Variants in TRDMT1 observed in about 807,000 individuals in gnomAD.
TRDMT1 encodes the protein tRNA aspartic acid methyltransferase 1.
TRDMT1 carries 49 observed loss-of-function variants against 51.2 expected under a neutral mutation model. The ratio of observed to expected loss-of-function variants is 0.96; its 90% confidence interval spans 0.76 to 1.21. TRDMT1 has a LOEUF of 1.21. TRDMT1 is among the 50% of genes most tolerant of loss of function. The probability of loss-of-function intolerance (pLI) is 0.00; values close to 1 mark genes in which losing one functional copy is unlikely to be tolerated. For missense variants in TRDMT1, 534 were observed against 462.3 expected (o/e 1.16, Z -1.42); for synonymous variants, 187 against 164.6 (o/e 1.14, Z -1.04).
rs190073551 is a variant in TRDMT1 at position 17,146,996 on chromosome 10, T to C, written c.*2044A>G. The C allele has an allele frequency of 1.0e-6, 1 of 985,454 alleles. No individual in the cohort carries two copies. The highest frequency in any genetic ancestry group is 1.7e-5 in the African/African-American group (1 of 57,250). 61.0% of individuals were successfully genotyped at this position (985,454 alleles called of 1,614,324 possible). On this transcript the variant is annotated 3_prime_UTR_variant, in exon 11 of 11. Transcript: ENST00000377799. Reference sequence around the variant, plus strand: ...CCATAATTTAAGAATTCCACTAAGCTACATTCTGTCTACCAGTTTGTAAGC... The same window carrying C: ...CCATAATTTAAGAATTCCACTAAGCCACATTCTGTCTACCAGTTTGTAAGC...
rs1277559816 is a variant in TRDMT1, at chr10:17,141,679, T to C, written c.*7361A>G. Among the ~76,000 whole-genome samples, 1 of 152,208 alleles carries C rather than the reference T, an allele frequency of 6.6e-6. No individual in the cohort carries two copies. The highest frequency in any genetic ancestry group is 1.5e-5 in the Non-Finnish European group (1 of 68,048). On this transcript the variant is annotated 3_prime_UTR_variant, in exon 11 of 11. Coordinates refer to ENST00000377799, the MANE Select transcript of TRDMT1 (RefSeq NM_004412.7). The stretch of plus-strand genomic sequence containing the variant: ...TCAGGTAAATTCTACTGATCCGTCC[T>C]TAGGTTCACTGATTTCTATCTTCTG...
intron 2 of TRDMT1, among the ~76,000 whole-genome samples, chr10:17,170,881 A>G (rs1021923695): frequency 1.3e-5 from 2 of 152,154 alleles, no homozygotes; most frequent in African/African-American, 4.8e-5. Flanking sequence ...TTATTAAAGC[A>G]CTAATTGTTC....
At chr10:17,152,203 G>T in intron 10 of TRDMT1, 2 of 711,582 alleles carry the variant, frequency 2.8e-6, no homozygotes, top group South Asian at 2.0e-5. Context: ...GCTGTCACTC[G>T]TTTTGTGACA....
At chr10:17,152,409 C>A (rs888415859) in intron 10 of TRDMT1, among the ~76,000 whole-genome samples, 1 of 152,068 alleles carries the variant, frequency 6.6e-6, no homozygotes, top group African/African-American at 2.4e-5. Flanking sequence ...TGGTTGTGTT[C>A]CAAAACCTCA....
At chr10:17,169,426 A>T (rs1332971279) in intron 2 of TRDMT1, 5 of 1,288,618 alleles carry the variant, frequency 3.9e-6, no homozygotes, top group Non-Finnish European at 5.1e-6. Context: ...AGATATCCAC[A>T]ATTATTTTGT....
At chr10:17,161,034 G>A (rs1840276349) in intron 5 of TRDMT1, among the ~76,000 whole-genome samples, 2 of 152,160 alleles carry the variant, frequency 1.3e-5, no homozygotes, top group Non-Finnish European at 2.9e-5. Context: ...GTTACAGACA[G>A]CAGCTGACTC....
intron 1 of TRDMT1, among the ~76,000 whole-genome samples, chr10:17,176,390 A>G (rs1022937756): frequency 6.6e-6 from 1 of 152,188 alleles, no homozygotes; most frequent in African/African-American, 2.4e-5. Flanking sequence ...TGTAATCAAT[A>G]ATTAATTTTA....
intron 6 of TRDMT1, 136 bp from the exon 7 acceptor site, chr10:17,159,365 C>T (rs1387498500): frequency 1.6e-5 from 9 of 546,494 alleles, no homozygotes; most frequent in Admixed American, 1.1e-4. Flanking sequence ...AAATTTGCTA[C>T]GGATTTGTAG....
At chr10:17,155,103 C>T (rs1346955670) in intron 8 of TRDMT1, among the ~76,000 whole-genome samples, 1 of 151,852 alleles carries the variant, frequency 6.6e-6, no homozygotes, top group Non-Finnish European at 1.5e-5. Flanking sequence ...TGCGTGCCTA[C>T]CTCAGGAGGC....
chr10:17,186,461 G>C (rs1370732744), intron 1 of TRDMT1, among the ~76,000 whole-genome samples: 1 of 152,098 alleles, frequency 6.6e-6, no homozygotes, highest in East Asian at 1.9e-4. Context: ...CTACACTTCT[G>C]GCTTCAAAGA....
chr10:17,139,115 T>A lies in TRDMT1; in HGVS notation c.*9925A>T, dbSNP rs1408321099. 5 of 944,344 alleles carry A rather than the reference T, an allele frequency of 5.3e-6. No homozygotes were observed. The highest frequency in any genetic ancestry group is 6.3e-6 in the Non-Finnish European group (5 of 792,434). 58.5% of individuals were successfully genotyped at this position (944,344 alleles called of 1,614,324 possible). A position where few individuals can be genotyped will look rare whatever the true frequency, so the allele number is the denominator to read the frequency against. On this transcript the variant is annotated 3_prime_UTR_variant, in exon 11 of 11. Transcript: ENST00000377799. ...TGGGGACTTCAGCAGCTCCATTGGA[T>A]TAATCCAAGCTTGGTTTCCAAGGTG...
chr10:17,165,608 GC>G (rs1348383931), intron 3 of TRDMT1, among the ~76,000 whole-genome samples: 2 of 152,014 alleles, frequency 1.3e-5, no homozygotes, highest in East Asian at 3.9e-4. Context: ...GAAAATTTTT[GC>G]AATCTACTCA....
chr10:17,157,414 C>T (rs1291657203), intron 8 of TRDMT1, 27 bp downstream of exon 8: 1 of 1,511,886 alleles, frequency 6.6e-7, no homozygotes, highest in Non-Finnish European at 8.9e-7. Flanking sequence ...ATTTTGGATA[C>T]AGGATCAATA....
In TRDMT1 at chr10:17,157,533, C is replaced by T. The variant is rs1425962830; in HGVS notation, c.795G>A (p.Gln265=). The change falls in exon 8 of 11, where the codon CAG becomes CAA. Residue 265 remains glutamine, a synonymous_variant. Transcript: ENST00000377799. The part of the protein sequence containing the change: ...DFLEDDTDVN[Q]YLLPPKSLLR... ...GCAATGACTTTGGTGGTAAAAGATA[C>T]TGGTTCACGTCAGTGTCATCTTCAA... The T allele has an allele frequency of 5.0e-6, 8 of 1,614,044 alleles. 1 individual carries two copies. The African/African-American group carries it at 8.0e-5, about 16-fold the overall frequency.
Position 17,159,173 on chromosome 10 carries a change from C to T in TRDMT1, c.516G>A (p.Glu172=). The change falls in exon 7 of 11, where the codon GAG becomes GAA. Residue 172 remains glutamate (E), a synonymous_variant. Coordinates refer to ENST00000377799, the MANE Select transcript of TRDMT1 (RefSeq NM_004412.7). Reference sequence around the variant, plus strand: ...GACCAGGGGCTTGAAAGGGTAATGGCTCTGACTGAAGCTTTGCAATAAGAA... The same window carrying T: ...GACCAGGGGCTTGAAAGGGTAATGGTTCTGACTGAAGCTTTGCAATAAGAA... ...RYFLIAKLQS[E]PLPFQAPGQV... 1 of 1,603,516 alleles carries T rather than the reference C, an allele frequency of 6.2e-7. No homozygotes were observed. Among genetic ancestry groups the T allele is most frequent in the Non-Finnish European group, 8.5e-7 (1 of 1,174,536 alleles).
At chr10:17,186,328 TGAG>T in intron 1 of TRDMT1, among the ~76,000 whole-genome samples, 1 of 152,220 alleles carries the variant, frequency 6.6e-6, no homozygotes, top group South Asian at 2.1e-4. Flanking sequence ...AAACTTGAGA[TGAG>T]GAGATTATCC....
chr10:17,145,201 C>A lies in TRDMT1; in HGVS notation c.*3839G>T, dbSNP rs1215923375. On this transcript the variant is annotated 3_prime_UTR_variant, in exon 11 of 11. Coordinates refer to ENST00000377799, the MANE Select transcript of TRDMT1 (RefSeq NM_004412.7). ...GGGGGAGATTGCAGTGAGCCGAGAT[C>A]ACGCCACTGCACTCCAGCCTAGGCA... 7.4e-6 allele frequency: 6 copies of A among 815,420 alleles called. No homozygotes were observed. The highest frequency in any genetic ancestry group is 8.9e-6 in the Non-Finnish European group (6 of 674,886). 50.5% of individuals were successfully genotyped at this position (815,420 alleles called of 1,614,324 possible). A position where few individuals can be genotyped will look rare whatever the true frequency, so the allele number is the denominator to read the frequency against.
chr10:17,169,748 G>A (rs1841711365), intron 2 of TRDMT1, among the ~76,000 whole-genome samples: 1 of 152,150 alleles, frequency 6.6e-6, no homozygotes, highest in Admixed American at 6.6e-5. Context: ...GTGAGTTAAC[G>A]TGGGAACATG....
chr10:17,177,367 A>T (rs995492691), intron 1 of TRDMT1, among the ~76,000 whole-genome samples: 1 of 151,660 alleles, frequency 6.6e-6, no homozygotes, highest in Non-Finnish European at 1.5e-5. Flanking sequence ...ACACCCAGCT[A>T]ATTTCTATAT....
Sources: gnomAD v4.1 joint callset for allele counts (sites outside exome capture counted in the v4.1 genomes callset) on GRCh38, gnomAD v4.1.1 for gene constraint, MANE v1.5 for transcripts, NCBI Gene and HGNC (gene_info 2026-07-23, HGNC 2026-07-21) for gene names.